The following PCDHA6 variants were observed in gnomAD, a reference collection of about 807,000 sequenced individuals.
PCDHA6 encodes the protein protocadherin alpha-6.
Under a neutral mutation model 60.3 loss-of-function variants are expected in PCDHA6, and 55 were observed. That is an observed-to-expected ratio of 0.91 (90% CI 0.73 to 1.14). The LOEUF (loss-of-function observed/expected upper bound fraction) is 1.14, where lower values mean the gene tolerates loss of function less well. PCDHA6 is among the 50% of genes most tolerant of loss of function. The pLI, the probability that PCDHA6 is intolerant of heterozygous loss-of-function variation, is 0.00. For synonymous variants in PCDHA6, 652 were observed against 557.9 expected (o/e 1.17, Z -2.38); for missense variants, 1,327 against 1,256.5 (o/e 1.06, Z -0.85).
intron 1 of PCDHA6, among the ~76,000 whole-genome samples, chr5:140,942,273 G>C (rs1360564646): frequency 6.6e-6 from 1 of 152,132 alleles, no homozygotes; most frequent in South Asian, 2.1e-4. Context: ...AGCTGGTAAT[G>C]GTGGCTCATG....
chr5:140,838,244 G>A (rs1372782254), intron 1 of PCDHA6, among the ~76,000 whole-genome samples: 4 of 149,760 alleles, frequency 2.7e-5, no homozygotes, highest in Non-Finnish European at 5.9e-5. Flanking sequence ...CTCCCAAGTA[G>A]CTGGGATTAA....
intron 3 of PCDHA6, among the ~76,000 whole-genome samples, chr5:140,986,013 A>C (rs544858025): frequency 6.6e-6 from 1 of 152,298 alleles, no homozygotes; most frequent in Admixed American, 6.5e-5. Flanking sequence ...TGCTGGGATT[A>C]CAGGCGTGAG....
chr5:140,972,919 C>T (rs1231455019), intron 1 of PCDHA6, among the ~76,000 whole-genome samples: 1 of 152,078 alleles, frequency 6.6e-6, no homozygotes, highest in African/African-American at 2.4e-5. Flanking sequence ...GCCTTGGCCT[C>T]CCAAAGTGCT....
At chr5:140,907,179 G>A (rs1257591299) in intron 1 of PCDHA6, among the ~76,000 whole-genome samples, 2 of 152,160 alleles carry the variant, frequency 1.3e-5, no homozygotes, top group Non-Finnish European at 2.9e-5. Flanking sequence ...CTGATTCAGA[G>A]CATACACAAC....
Position 140,928,935 on chromosome 5 carries a change from C to G in PCDHA6, c.2395-50014C>G, listed in dbSNP as rs782430427. On this transcript the variant is annotated intron_variant, in intron 1 of 3. Transcript: ENST00000529310. ...CAGGAGGGCAGCTTTCTGCCCAGAA[C>G]TTGTATTTAGTAATTGCCTTGGCTT... The G allele has an allele frequency of 2.5e-6, 4 of 1,613,984 alleles. No individual in the cohort carries two copies. The East Asian group carries it at 8.9e-5, about 36-fold the overall frequency.
intron 1 of PCDHA6, chr5:140,850,578 G>T: frequency 6.3e-7 from 1 of 1,598,460 alleles, no homozygotes; most frequent in Non-Finnish European, 8.6e-7. Context: ...GACGCTGGTG[G>T]ATGTCAACGT....
chr5:140,996,737 T>G (rs887382236), intron 3 of PCDHA6, among the ~76,000 whole-genome samples: 3 of 152,166 alleles, frequency 2.0e-5, no homozygotes, highest in Non-Finnish European at 2.9e-5. Context: ...ACAAAAGTCA[T>G]AACAAATTAT....
chr5:140,879,943 G>C (rs1554171086), intron 1 of PCDHA6, among the ~76,000 whole-genome samples: 1 of 152,078 alleles, frequency 6.6e-6, no homozygotes, highest in Non-Finnish European at 1.5e-5. Flanking sequence ...ATTGTATTTA[G>C]GGCCCATCTG....
intron 1 of PCDHA6, chr5:140,870,012 C>T (rs2051581500): frequency 6.2e-7 from 1 of 1,613,354 alleles, no homozygotes; most frequent in African/African-American, 1.3e-5. Context: ...AAGTGAGGGT[C>T]AATGGAACTT....
chr5:140,828,572 G>C lies in PCDHA6; in HGVS notation c.481G>C (p.Asp161His). 2 of 1,614,228 alleles carry C rather than the reference G, an allele frequency of 1.2e-6. No homozygotes were observed. Among genetic ancestry groups the C allele is most frequent in the Non-Finnish European group, 8.5e-7 (1 of 1,180,042 alleles). ...TCCACTGGAGGGCGCGTCCGATGCA[G>C]ATGTTGGCTCAAATTCCATCTTAAC... ...VFPLEGASDADVGSNSILTYK... is the reference protein window; with the variant it reads ...VFPLEGASDAHVGSNSILTYK... Residue 161 changes from aspartate to histidine, a missense_variant, in exon 1 of 4, where the codon GAT becomes CAT. Asp to His is a moderately conservative substitution (Grantham distance 81). Coordinates refer to ENST00000529310, the MANE Select transcript of PCDHA6 (RefSeq NM_018909.4).
At chr5:140,835,755 C>G (rs782724807) in intron 1 of PCDHA6, 1 of 1,613,410 alleles carries the variant, frequency 6.2e-7, no homozygotes, top group Non-Finnish European at 8.5e-7. Flanking sequence ...GTTCGCGCAG[C>G]CCGAGTATAC....
At chr5:140,998,850 A>G (rs904977478) in intron 3 of PCDHA6, among the ~76,000 whole-genome samples, 18 of 152,234 alleles carry the variant, frequency 1.2e-4, no homozygotes, top group Non-Finnish European at 2.1e-4. Context: ...GGTGTGAGCC[A>G]CATGCCTGGC....
chr5:140,953,873 A>G (rs537538688), intron 1 of PCDHA6, among the ~76,000 whole-genome samples: 53 of 152,258 alleles, frequency 3.5e-4, no homozygotes, highest in African/African-American at 1.3e-3. Context: ...TGCTGCACAG[A>G]TCAACCCATC....
In PCDHA6 at chr5:140,982,463, G is replaced by A. The variant is rs781833977; in HGVS notation, c.2454-12G>A. 1 of 1,614,060 alleles carries A rather than the reference G, an allele frequency of 6.2e-7. No individual in the cohort carries two copies. The highest frequency in any genetic ancestry group is 1.3e-5 in the African/African-American group (1 of 74,928). On this transcript the variant is annotated splice_polypyrimidine_tract_variant and intron_variant, in intron 2 of 3. Coordinates refer to ENST00000529310, the MANE Select transcript of PCDHA6 (RefSeq NM_018909.4). ...TGATCTAACCGTTATCTGGGTCTGT[G>A]TGTTTATTCAGCTCTGTGCACCTAG...
intron 1 of PCDHA6, chr5:140,834,199 G>A (rs1359433825): frequency 6.7e-6 from 4 of 595,280 alleles, no homozygotes; most frequent in African/African-American, 3.7e-5. Flanking sequence ...GCTCTTTACC[G>A]CAAATTCTTT....
chr5:140,930,375 C>T (rs2086761522), intron 1 of PCDHA6: 1 of 151,734 alleles, frequency 6.6e-6, no homozygotes, highest in Non-Finnish European at 1.5e-5. Flanking sequence ...GTTAGTGGCC[C>T]TTGGCATTTC....
At chr5:140,870,544 G>A in intron 1 of PCDHA6, 1 of 1,614,124 alleles carries the variant, frequency 6.2e-7, no homozygotes, top group South Asian at 1.1e-5. Context: ...GGCGCGGGAC[G>A]CGGACGCGCA....
chr5:140,946,658 A>C (rs2094004902), intron 1 of PCDHA6, among the ~76,000 whole-genome samples: 1 of 147,652 alleles, frequency 6.8e-6, no homozygotes, highest in South Asian at 2.1e-4. Flanking sequence ...CAGCCATTAG[A>C]AAGAATGAAA....
chr5:140,948,461 A>G (rs2094256529), intron 1 of PCDHA6, among the ~76,000 whole-genome samples: 1 of 151,516 alleles, frequency 6.6e-6, no homozygotes, highest in Admixed American at 6.6e-5. Flanking sequence ...TCTTTTAGGG[A>G]AAGTTTCTGA....
Sources: allele counts gnomAD v4.1 joint callset (sites outside exome capture counted in the v4.1 genomes callset), GRCh38; gene constraint gnomAD v4.1.1; transcripts MANE v1.5; gene names NCBI Gene and HGNC (gene_info 2026-07-23, HGNC 2026-07-21).